Variants in CACNA2D1 observed in about 807,000 individuals in gnomAD.
CACNA2D1 encodes the protein voltage-dependent calcium channel subunit alpha-2/delta-1.
In CACNA2D1, 53 loss-of-function variants were observed where a neutral mutation model predicts 171.5. That is an observed-to-expected ratio of 0.31 (90% CI 0.25 to 0.39). The LOEUF (loss-of-function observed/expected upper bound fraction) is 0.39, where lower values mean the gene tolerates loss of function less well. Ranked by LOEUF, CACNA2D1 falls within the 10% of genes least tolerant of loss-of-function variation. The probability of loss-of-function intolerance (pLI) is 1.00; values close to 1 mark genes in which losing one functional copy is unlikely to be tolerated. For missense variants in CACNA2D1, 903 were observed against 1,299.8 expected, an observed-to-expected ratio of 0.69 and a Z score of 4.69; for synonymous variants, 442 against 443.1, an observed-to-expected ratio of 1.00 and a Z score of 0.03.
intron 12 of CACNA2D1, among the ~76,000 whole-genome samples, chr7:82,016,878 A>C (rs1182676584): frequency 6.9e-6 from 1 of 145,254 alleles, no homozygotes; most frequent in Non-Finnish European, 1.5e-5. Context: ...AATCATTCCC[A>C]TGTCATCAAT....
At chr7:82,364,349 C>G (rs1199058910) in intron 1 of CACNA2D1, among the ~76,000 whole-genome samples, 1 of 152,164 alleles carries the variant, frequency 6.6e-6, no homozygotes, top group Non-Finnish European at 1.5e-5. Flanking sequence ...TCAAGAAGTT[C>G]ATAGCATGAT....
chr7:82,161,491 G>T (rs1438945039), intron 4 of CACNA2D1, among the ~76,000 whole-genome samples: 3 of 152,026 alleles, frequency 2.0e-5, no homozygotes, highest in African/African-American at 7.2e-5. Flanking sequence ...TAGTGGAGAT[G>T]AAGAGAAATG....
intron 7 of CACNA2D1, 26 bp from the exon 8 acceptor site, chr7:82,066,550 A>C: frequency 6.3e-7 from 1 of 1,577,054 alleles, no homozygotes; most frequent in Admixed American, 1.8e-5. Context: ...AAAGAGAGAT[A>C]TTAAATCAAA....
At chr7:82,045,436 C>T (rs1409548489) in intron 10 of CACNA2D1, among the ~76,000 whole-genome samples, 1 of 152,090 alleles carries the variant, frequency 6.6e-6, no homozygotes, top group Non-Finnish European at 1.5e-5. Context: ...AACCGTCTAT[C>T]AGTCAGGAAA....
At chr7:82,057,176 A>T (rs1160555648) in intron 10 of CACNA2D1, among the ~76,000 whole-genome samples, 1 of 152,214 alleles carries the variant, frequency 6.6e-6, no homozygotes. Context: ...CTTAAAAGCC[A>T]GTTAACCTCA....
At chr7:82,406,041 C>T (rs974312766) in intron 1 of CACNA2D1, among the ~76,000 whole-genome samples, 1 of 152,070 alleles carries the variant, frequency 6.6e-6, no homozygotes, top group Non-Finnish European at 1.5e-5. Flanking sequence ...CCCTCCCCCT[C>T]CCCCAACCCT....
intron 1 of CACNA2D1, among the ~76,000 whole-genome samples, chr7:82,374,471 C>T (rs75126037): frequency 1.3e-5 from 2 of 151,988 alleles, no homozygotes; most frequent in South Asian, 2.1e-4. Context: ...CACATCCACA[C>T]GCACACACCC....
At position 82,401,540 on chromosome 7, in the gene CACNA2D1, A is replaced by G. The variant is rs368545673; in HGVS notation, c.95+41825T>C. On this transcript the variant is annotated intron_variant, in intron 1 of 38. Coordinates refer to ENST00000356860, the MANE Select transcript of CACNA2D1 (RefSeq NM_000722.4). ...ATGGACACAGGAAGGGGAACATCAC[A>G]CTCTGGAGACTGTTGTGGGGTGAGG... Among the ~76,000 whole-genome samples, 74 of 132,418 alleles carry G rather than the reference A, an allele frequency of 5.6e-4. 4 individuals carry two copies. The South Asian group carries it at 0.018, about 33-fold the overall frequency. 86.9% of individuals were successfully genotyped at this position (132,418 alleles called of 152,430 possible).
At chr7:82,023,196 TG>T (rs1410475147) in intron 12 of CACNA2D1, among the ~76,000 whole-genome samples, 2 of 151,912 alleles carry the variant, frequency 1.3e-5, no homozygotes, top group Non-Finnish European at 2.9e-5. Context: ...CTCATGTACA[TG>T]GGTGAGCCCT....
chr7:81,988,639 TA>T (rs748421040), intron 21 of CACNA2D1, among the ~76,000 whole-genome samples: 2 of 152,204 alleles, frequency 1.3e-5, no homozygotes, highest in Non-Finnish European at 2.9e-5. Flanking sequence ...CTTCCGTACT[TA>T]AATATTGCAA....
At chr7:82,345,703 T>TGTGC (rs1819166782) in intron 2 of CACNA2D1, among the ~76,000 whole-genome samples, 1 of 151,836 alleles carries the variant, frequency 6.6e-6, no homozygotes, top group Non-Finnish European at 1.5e-5. Flanking sequence ...TGTGTGTGTG[T>TGTGC]GTGTGTGTGT....
chr7:82,407,568 A>G (rs2129453438), intron 1 of CACNA2D1, among the ~76,000 whole-genome samples: 1 of 152,334 alleles, frequency 6.6e-6, no homozygotes, highest in South Asian at 2.1e-4. Context: ...AAATTCATGA[A>G]GATTTCCAAA....
rs34604173 is a variant in CACNA2D1 at position 82,221,774 on chromosome 7, C to CAAA, written c.295-51168_295-51166dup. 1.7e-3 allele frequency among the ~76,000 whole-genome samples: 210 copies of CAAA among 125,370 alleles called. 1 individual carries two copies. Among genetic ancestry groups the CAAA allele is most frequent in the South Asian group, 2.5e-3 (10 of 4,054 alleles). 82.2% of individuals were successfully genotyped at this position (125,370 alleles called of 152,430 possible). A position where few individuals can be genotyped will look rare whatever the true frequency, so the allele number is the denominator to read the frequency against. ...AGAAAAAAAATCAGTTCACTGTTAC[C>CAAA]AAAAAAAAAAAAAACACTACGAATT... On this transcript the variant is annotated intron_variant, in intron 3 of 38. Transcript: ENST00000356860.
intron 3 of CACNA2D1, among the ~76,000 whole-genome samples, chr7:82,327,657 T>G (rs1374325259): frequency 1.3e-5 from 2 of 152,218 alleles, no homozygotes; most frequent in South Asian, 2.1e-4. Flanking sequence ...TAGAGGTCTA[T>G]GGCCACTCTC....
At chr7:82,366,018 G>A (rs1286411482) in intron 1 of CACNA2D1, among the ~76,000 whole-genome samples, 1 of 152,088 alleles carries the variant, frequency 6.6e-6, no homozygotes, top group Admixed American at 6.6e-5. Context: ...TTAGCACTGA[G>A]AGCCTCAAAA....
chr7:82,386,417 T>A (rs1227028276), intron 1 of CACNA2D1, among the ~76,000 whole-genome samples: 1 of 152,122 alleles, frequency 6.6e-6, no homozygotes, highest in Non-Finnish European at 1.5e-5. Context: ...TTAATATACT[T>A]ATCATAGCCT....
chr7:82,354,121 A>T (rs1326048093), intron 1 of CACNA2D1, among the ~76,000 whole-genome samples: 1 of 152,120 alleles, frequency 6.6e-6, no homozygotes, highest in Non-Finnish European at 1.5e-5. Flanking sequence ...TGAATAAACA[A>T]GTAGATCATA....
chr7:82,246,007 A>T (rs1804874098), intron 3 of CACNA2D1, among the ~76,000 whole-genome samples: 2 of 152,070 alleles, frequency 1.3e-5, no homozygotes, highest in African/African-American at 4.8e-5. Flanking sequence ...GTATTCTGTC[A>T]TAATAATCCC....
At chr7:82,092,299 T>G (rs1442864023) in intron 6 of CACNA2D1, among the ~76,000 whole-genome samples, 9 of 152,200 alleles carry the variant, frequency 5.9e-5, no homozygotes, top group Admixed American at 5.9e-4. Context: ...ATTATGTAAT[T>G]TGTAAAATAA....
Sources: gnomAD v4.1 joint callset for allele counts (sites outside exome capture counted in the v4.1 genomes callset) on GRCh38, gnomAD v4.1.1 for gene constraint, MANE v1.5 for transcripts, NCBI Gene and HGNC (gene_info 2026-07-23, HGNC 2026-07-21) for gene names.